The following WDR17 variants were observed in gnomAD, a reference collection of about 807,000 sequenced individuals.
WDR17 encodes WD repeat domain 17, also known as WD repeat-containing protein 17.
A neutral mutation model predicts 161.7 loss-of-function variants in WDR17; 143 were observed. The observed-to-expected ratio is 0.88, with a 90% CI of 0.77 to 1.02. The LOEUF is 1.02. Ranked by LOEUF, WDR17 falls within the 50% of genes least tolerant of loss-of-function variation. The pLI, the probability that WDR17 is intolerant of heterozygous loss-of-function variation, is 0.00. For synonymous variants in WDR17, 517 were observed against 515.6 expected, an observed-to-expected ratio of 1.00 and a Z score of -0.04; for missense variants, 1,469 against 1,520.9, an observed-to-expected ratio of 0.97 and a Z score of 0.57.
At chr4:176,121,447 A>G (rs1243818642) in intron 4 of WDR17, among the ~76,000 whole-genome samples, 1 of 152,124 alleles carries the variant, frequency 6.6e-6, no homozygotes, top group Non-Finnish European at 1.5e-5. Context: ...TCTCTGCATT[A>G]TGTAACCAAA....
At chr4:176,140,648 G>T (rs1745111446) in intron 10 of WDR17, among the ~76,000 whole-genome samples, 2 of 152,086 alleles carry the variant, frequency 1.3e-5, no homozygotes, top group Non-Finnish European at 2.9e-5. Flanking sequence ...TGGATAGGTG[G>T]TATAGACACT....
chr4:176,117,332 G>A (rs887510415), intron 3 of WDR17, among the ~76,000 whole-genome samples: 72 of 151,992 alleles, frequency 4.7e-4, no homozygotes, highest in African/African-American at 1.7e-3. Context: ...GCATTTCCAA[G>A]TACTTTAAAT....
chr4:176,098,491 T>C (rs1031299036), intron 1 of WDR17, among the ~76,000 whole-genome samples: 2 of 152,010 alleles, frequency 1.3e-5, no homozygotes, highest in African/African-American at 2.4e-5. Flanking sequence ...TAGATATATA[T>C]TTTGAAATGG....
chr4:176,070,759 G>A lies in WDR17; in HGVS notation c.-7+4680G>A, dbSNP rs112956433. On this transcript the variant is annotated intron_variant, in intron 1 of 28. Transcript: ENST00000508596. Reference sequence around the variant, plus strand: ...TGATCTGGAACTCCTGGGCTCAAGCGATCCACCCAACTTGGCCTGCCAAAG... The same window carrying A: ...TGATCTGGAACTCCTGGGCTCAAGCAATCCACCCAACTTGGCCTGCCAAAG... Among the ~76,000 whole-genome samples the A allele has an allele frequency of 8.2e-3, 1,242 of 152,058 alleles. 28 individuals are homozygous for A. The highest frequency in any genetic ancestry group is 0.028 in the African/African-American group (1,147 of 41,474).
rs760885978 is a variant in WDR17, at chr4:176,120,056, T to A, written c.497T>A (p.Val166Glu). 5 of 1,614,054 alleles carry A rather than the reference T, an allele frequency of 3.1e-6. No individual in the cohort carries two copies. Among genetic ancestry groups the A allele is most frequent in the African/African-American group, 1.3e-5 (1 of 75,042 alleles). ...CATACACACCAAAAGGGGAAAGTTG[T>A]GTTTGGTCATATTGATGGAAGTCTA... is the stretch of plus-strand genomic sequence containing the variant. ...RWHTHQKGKV[V>E]FGHIDGSLSI... The change falls in exon 4 of 29, where the codon GTG (valine) becomes GAG (glutamate). Residue 166 changes from valine to glutamate, a missense_variant. Val to Glu is a moderately radical substitution (Grantham distance 121). Transcript: ENST00000508596.
intron 28 of WDR17, among the ~76,000 whole-genome samples, chr4:176,177,933 C>T (rs551409121): frequency 5.0e-5 from 6 of 120,252 alleles, no homozygotes; most frequent in South Asian, 5.7e-4. Flanking sequence ...TTTGGTGAGC[C>T]GAGATCGAGC....
chr4:176,099,859 T>C (rs375150672), intron 1 of WDR17, among the ~76,000 whole-genome samples: 24 of 152,152 alleles, frequency 1.6e-4, no homozygotes, highest in African/African-American at 5.1e-4. Flanking sequence ...TCTCTGTGCA[T>C]GGCTTGTTTC....
chr4:176,082,893 T>C (rs1002627643), intron 1 of WDR17, among the ~76,000 whole-genome samples: 2 of 149,604 alleles, frequency 1.3e-5, no homozygotes, highest in Non-Finnish European at 3.0e-5. Context: ...TCCAAAAATA[T>C]ACATACTTTT....
At chr4:176,170,048 G>T (rs1269920217) in intron 23 of WDR17, among the ~76,000 whole-genome samples, 1 of 152,124 alleles carries the variant, frequency 6.6e-6, no homozygotes, top group Non-Finnish European at 1.5e-5. Context: ...GAGGCAGAAG[G>T]TGCAGATGTT....
intron 24 of WDR17, 143 bp from the exon 25 acceptor site, chr4:176,173,124 T>G (rs1391461060): frequency 1.8e-6 from 1 of 551,472 alleles, no homozygotes; most frequent in African/African-American, 1.9e-5. Context: ...TGAGAGAGGA[T>G]AAATAGGAAA....
intron 1 of WDR17, among the ~76,000 whole-genome samples, chr4:176,092,595 A>G (rs1736271801): frequency 6.6e-6 from 1 of 152,198 alleles, no homozygotes; most frequent in South Asian, 2.1e-4. Flanking sequence ...AAATCAAATT[A>G]TCCTTGTTTG....
At chr4:176,155,522 TG>T (rs1747925735) in intron 17 of WDR17, among the ~76,000 whole-genome samples, 2 of 146,636 alleles carry the variant, frequency 1.4e-5, no homozygotes, top group Admixed American at 6.8e-5. Context: ...TTTTTTACTT[TG>T]TTTTTTTGTT....
chr4:176,174,795 T>C (rs191728047), intron 26 of WDR17, 77 bp downstream of exon 26: 3 of 841,406 alleles, frequency 3.6e-6, no homozygotes, highest in South Asian at 3.7e-5. Context: ...AAGTGGATTA[T>C]ACAAAGTATC....
rs146469864 is a variant in WDR17, at chr4:176,151,838, C to A, written c.2331C>A (p.Val777=). 9.2e-5 allele frequency: 148 copies of A among 1,602,460 alleles called. No individual in the cohort carries two copies. In the African/African-American group the frequency reaches 1.7e-3, roughly 19 times the overall value. The change falls in exon 17 of 29, where the codon GTC becomes GTA. Residue 777 remains valine, a synonymous_variant. Transcript: ENST00000508596. The part of the protein sequence containing the change: ...RTSEAQELTT[V]KMSKFGGGIG... ...CTGAAGCTCAAGAACTAACAACAGT[C>A]AAGATGTCTAAATTTGGTGGTGGTA...
At chr4:176,156,218 CAGT>C in intron 18 of WDR17, 75 bp downstream of exon 18, 1 of 1,383,970 alleles carries the variant, frequency 7.2e-7, no homozygotes, top group South Asian at 1.3e-5. Context: ...ATAAATATGG[CAGT>C]AGCTCTTGAA....
rs372915166 is a variant in WDR17, at chr4:176,142,033, C to G, written c.1493C>G (p.Ala498Gly). Residue 498 changes from alanine to glycine, a missense_variant, in exon 11 of 29, where the codon GCT (alanine) becomes GGT (glycine). Transcript: ENST00000508596. ...GTGCTACACAAATATAAACATCCAG[C>G]TGCAGTGTTTGGTTGTGATTGGAGC... ...GKVLHKYKHP[A>G]AVFGCDWSQN... 3 of 1,611,024 alleles carry G rather than the reference C, an allele frequency of 1.9e-6. No homozygotes were observed. Among genetic ancestry groups the G allele is most frequent in the Non-Finnish European group, 2.5e-6 (3 of 1,178,288 alleles).
intron 13 of WDR17, among the ~76,000 whole-genome samples, chr4:176,149,327 T>TG (rs1746719536): frequency 6.6e-6 from 1 of 151,970 alleles, no homozygotes; most frequent in Non-Finnish European, 1.5e-5. Context: ...TGGTGTACAG[T>TG]GGCGCAAACA....
At chr4:176,117,894 G>A (rs974641203) in intron 3 of WDR17, among the ~76,000 whole-genome samples, 2 of 151,892 alleles carry the variant, frequency 1.3e-5, no homozygotes, top group African/African-American at 4.8e-5. Context: ...AAATGTTTTA[G>A]GCTTATTTTT....
At chr4:176,164,894 A>G (rs965911218) in intron 22 of WDR17, among the ~76,000 whole-genome samples, 6 of 152,188 alleles carry the variant, frequency 3.9e-5, no homozygotes, top group Admixed American at 3.3e-4. Flanking sequence ...AAGAGCTATA[A>G]TAGTCAATTA....
Sources: allele counts gnomAD v4.1 joint callset (sites outside exome capture counted in the v4.1 genomes callset), GRCh38; gene constraint gnomAD v4.1.1; transcripts MANE v1.5; gene names NCBI Gene and HGNC (gene_info 2026-07-23, HGNC 2026-07-21).